NOSIP: variants seen among roughly 807,000 people sequenced by gnomAD.
The protein encoded by NOSIP is nitric oxide synthase-interacting protein.
In NOSIP, 25 loss-of-function variants were observed where a neutral mutation model predicts 36.4. That is an observed-to-expected ratio of 0.69 (90% CI 0.50 to 0.96). NOSIP has a LOEUF of 0.96. NOSIP is among the 40% of genes least tolerant of loss of function. NOSIP has a pLI of 0.00. For missense variants in NOSIP, 370 were observed against 429.0 expected (o/e 0.86, Z 1.21); for synonymous variants, 187 against 179.2 (o/e 1.04, Z -0.35).
In NOSIP at chr19:49,567,122, C is replaced by CT. The variant is rs1234750784; in HGVS notation, c.-1-6431dup. 9.2e-3 allele frequency among the ~76,000 whole-genome samples: 992 copies of CT among 108,320 alleles called. 8 individuals are homozygous for CT. Among genetic ancestry groups the CT allele is most frequent in the East Asian group, 0.045 (151 of 3,382 alleles). The allele number at this position is 108,320 out of a possible 152,430, so 71.1% of individuals were successfully genotyped here. ...TGAGCCACCGTGCCCAGCCAAAAAACTTTTTTTTTTTTTTTTTTGAGACGG... is the reference window on the plus strand; with the variant it reads ...TGAGCCACCGTGCCCAGCCAAAAAACTTTTTTTTTTTTTTTTTTTGAGACGG... On this transcript the variant is annotated intron_variant, in intron 1 of 8. Transcript: ENST00000596358.
Position 49,555,834 on chromosome 19 carries a change from A to G in NOSIP, c.835-12T>C, listed in dbSNP as rs367897337. 9.9e-6 allele frequency: 16 copies of G among 1,609,318 alleles called. No homozygotes were observed. Among genetic ancestry groups the G allele is most frequent in the East Asian group, 9.0e-5 (4 of 44,684 alleles). On this transcript the variant is annotated splice_polypyrimidine_tract_variant and intron_variant, in intron 8 of 8. Transcript: ENST00000596358. ...AAGCCGGTACCGCCCTGGGGGAGGT[A>G]GAGAGAAGGACGAGGTAGAGGCCGG...
intron 1 of NOSIP, among the ~76,000 whole-genome samples, chr19:49,574,924 G>T (rs1163331213): frequency 6.7e-6 from 1 of 148,816 alleles, no homozygotes; most frequent in African/African-American, 2.5e-5. Context: ...GTGCAGTGGC[G>T]TGATCTCGGC....
At position 49,560,521 on chromosome 19, in the gene NOSIP, GGAGA is replaced by G. The variant is rs937414774; in HGVS notation, c.70+97_70+100del. 1.2e-6 allele frequency: 1 copy of G among 857,084 alleles called. No individual in the cohort carries two copies. Among genetic ancestry groups the G allele is most frequent in the Non-Finnish European group, 1.9e-6 (1 of 521,750 alleles). 53.1% of individuals were successfully genotyped at this position (857,084 alleles called of 1,614,324 possible). On this transcript the variant is annotated intron_variant, in intron 2 of 8. Transcript: ENST00000596358. This position sits in a 1 kb window ranked among gnomAD's most constrained non-coding sequence, Gnocchi z 4.6. ...TGGCCATCAGTGTATATCGGGGGCG[GGAGA>G]GAGACAGGGACAGAGGAAGCAAAAC...
chr19:49,574,858 G>A (rs990052648), intron 1 of NOSIP, among the ~76,000 whole-genome samples: 1 of 151,216 alleles, frequency 6.6e-6, no homozygotes, highest in Non-Finnish European at 1.5e-5. Flanking sequence ...ACCATGCCTG[G>A]CTAATTTTTT....
At position 49,557,253 on chromosome 19, in the gene NOSIP, C is replaced by CA. The variant is rs1568722433; in HGVS notation, c.259-5_259-4insT. On this transcript the variant is annotated splice_region_variant and splice_polypyrimidine_tract_variant and intron_variant, in intron 4 of 8. Transcript: ENST00000596358. ...TGCCCCGCTGCTTCTCGTAGGCCTG[C>CA]GTCGGGGAAAGTGGGCTGAGCATCT... 1 of 1,576,548 alleles carries CA rather than the reference C, an allele frequency of 6.3e-7. No individual in the cohort carries two copies. Among genetic ancestry groups the CA allele is most frequent in the Non-Finnish European group, 8.6e-7 (1 of 1,162,364 alleles).
Position 49,560,311 on chromosome 19 carries a change from G to C in NOSIP, c.71-272C>G. The C allele has an allele frequency of 3.5e-6, 2 of 577,296 alleles. No homozygotes were observed. Among genetic ancestry groups the C allele is most frequent in the Non-Finnish European group, 6.2e-6 (2 of 323,032 alleles). 35.8% of individuals were successfully genotyped at this position (577,296 alleles called of 1,614,324 possible). A position where few individuals can be genotyped will look rare whatever the true frequency, so the allele number is the denominator to read the frequency against. On this transcript the variant is annotated intron_variant, in intron 2 of 8. Coordinates refer to ENST00000596358, the MANE Select transcript of NOSIP (RefSeq NM_001270960.2). This position sits in a 1 kb window ranked among gnomAD's most constrained non-coding sequence, Gnocchi z 4.6. Reference sequence around the variant, plus strand: ...ACGGCTGACTCCCCTCCACCCTTCTGACTGTGACCAAGCTCAAGTGCCTGT... The same window carrying C: ...ACGGCTGACTCCCCTCCACCCTTCTCACTGTGACCAAGCTCAAGTGCCTGT...
At chr19:49,572,987 A>G (rs962889835) in intron 1 of NOSIP, among the ~76,000 whole-genome samples, 1 of 151,752 alleles carries the variant, frequency 6.6e-6, no homozygotes, top group Admixed American at 6.6e-5. Context: ...AAAAAAAAAA[A>G]AAAAAAGCCC....
chr19:49,575,018 A>G (rs1041855336), intron 1 of NOSIP, among the ~76,000 whole-genome samples: 5 of 151,952 alleles, frequency 3.3e-5, no homozygotes, highest in Non-Finnish European at 7.4e-5. Context: ...GCCCGCCACC[A>G]TGCCCGGCTA....
rs567556755 is a variant in NOSIP at position 49,557,160 on chromosome 19, C to T, written c.348G>A (p.Glu116=). 3.8e-5 allele frequency: 62 copies of T among 1,611,840 alleles called. No individual in the cohort carries two copies. The highest frequency in any genetic ancestry group is 4.9e-5 in the Non-Finnish European group (58 of 1,179,316). The change falls in exon 5 of 9, where the codon GAG becomes GAA. Residue 116 remains glutamate, a synonymous_variant. Transcript: ENST00000596358. ...GCCGGCTCACGATAGCCGACTCCTT[C>T]TCCAGGAAGCCCCGCACATGGTCCT... ...ASQDHVRGFL[E]KESAIVSRPL... is the part of the protein sequence containing the mutation.
intron 1 of NOSIP, among the ~76,000 whole-genome samples, chr19:49,569,552 A>T (rs566103793): frequency 2.3e-4 from 34 of 145,680 alleles, no homozygotes; most frequent in African/African-American, 8.5e-4. Flanking sequence ...CACACCTGTA[A>T]TCCCAGCACT....
At chr19:49,565,801 GA>G (rs2080400000) in intron 1 of NOSIP, among the ~76,000 whole-genome samples, 1 of 151,426 alleles carries the variant, frequency 6.6e-6, no homozygotes, top group African/African-American at 2.4e-5. Context: ...AATGGCGGGG[GA>G]ACCCCCACTC....
At chr19:49,565,199 G>T (rs192157865) in intron 1 of NOSIP, among the ~76,000 whole-genome samples, 143 of 152,064 alleles carry the variant, frequency 9.4e-4, no homozygotes, top group African/African-American at 3.4e-3. Context: ...CTGAGCCCAG[G>T]GAGGTCAAGG....
chr19:49,561,217 G>C (rs966890070), intron 1 of NOSIP, among the ~76,000 whole-genome samples: 3 of 152,142 alleles, frequency 2.0e-5, no homozygotes, highest in Admixed American at 2.0e-4. Context: ...GTCCACTAGC[G>C]ACTGGATCTA....
Position 49,557,251 on chromosome 19 carries a change from T to G in NOSIP, c.259-2A>C, listed in dbSNP as rs1292677276. 1.3e-6 allele frequency: 2 copies of G among 1,577,968 alleles called. No individual in the cohort carries two copies. The highest frequency in any genetic ancestry group is 2.7e-5 in the African/African-American group (2 of 74,392). ...GGTGCCCCGCTGCTTCTCGTAGGCC[T>G]GCGTCGGGGAAAGTGGGCTGAGCAT... On this transcript the variant is annotated splice_acceptor_variant, in intron 4 of 8. Coordinates refer to ENST00000596358, the MANE Select transcript of NOSIP (RefSeq NM_001270960.2). LOFTEE classifies it high-confidence loss of function.
intron 1 of NOSIP, among the ~76,000 whole-genome samples, chr19:49,577,387 T>C (rs1254139955): frequency 2.0e-5 from 3 of 151,582 alleles, no homozygotes; most frequent in East Asian, 1.9e-4. Context: ...CGAAACCCCA[T>C]CTCTACTAAA....
Position 49,555,632 on chromosome 19 carries a change from G to A in NOSIP, c.*119C>T, listed in dbSNP as rs1051062473. On this transcript the variant is annotated 3_prime_UTR_variant, in exon 9 of 9. Transcript: ENST00000596358. The stretch of plus-strand genomic sequence containing the variant: ...TTTCAAACTCCAGCGTGCGCTGTAG[G>A]AGCACTGTTTGCACGGCCCTGCATC... 1.3e-6 allele frequency: 1 copy of A among 771,316 alleles called. No individual in the cohort carries two copies. The allele number at this position is 771,316 out of a possible 1,614,324, so 47.8% of individuals were successfully genotyped here.
chr19:49,574,799 G>C (rs1038320069), intron 1 of NOSIP, among the ~76,000 whole-genome samples: 1 of 151,902 alleles, frequency 6.6e-6, no homozygotes, highest in East Asian at 1.9e-4. Flanking sequence ...AGGCCCAAGT[G>C]AATCTCCTGC....
chr19:49,558,026 A>G, intron 4 of NOSIP: 4 of 697,148 alleles, frequency 5.7e-6, no homozygotes, highest in Non-Finnish European at 7.1e-6. Context: ...GAAGAGGGGG[A>G]CAGACCCACT....
intron 1 of NOSIP, among the ~76,000 whole-genome samples, chr19:49,577,581 G>A (rs1181993767): frequency 6.6e-6 from 1 of 150,932 alleles, no homozygotes; most frequent in East Asian, 1.9e-4. Flanking sequence ...CTTGGGTAAA[G>A]GAATATTATC....
Sources: gnomAD v4.1 joint callset for allele counts (sites outside exome capture counted in the v4.1 genomes callset) on GRCh38, gnomAD v4.1.1 for gene constraint, Gnocchi (gnomAD v3.1) non-coding constraint, MANE v1.5 for transcripts, NCBI Gene and HGNC (gene_info 2026-07-23, HGNC 2026-07-21) for gene names.